TBC1D22A: variants seen among roughly 807,000 people sequenced by gnomAD.
The protein encoded by TBC1D22A is TBC1 domain family member 22A.
Under a neutral mutation model 60.2 loss-of-function variants are expected in TBC1D22A, and 38 were observed. That is an observed-to-expected ratio of 0.63 (90% confidence interval 0.49 to 0.83). The LOEUF is 0.83. TBC1D22A is among the 40% of genes least tolerant of loss of function. TBC1D22A has a pLI of 0.00. For synonymous variants in TBC1D22A, 302 were observed against 281.7 expected, an observed-to-expected ratio of 1.07 and a Z score of -0.72; for missense variants, 628 against 701.0, an observed-to-expected ratio of 0.90 and a Z score of 1.18.
chr22:46,927,275 G>C (rs5767416), intron 8 of TBC1D22A, among the ~76,000 whole-genome samples: 105,381 of 152,162 alleles, frequency 0.69, 36,742 homozygotes, highest in South Asian at 0.79. Context: ...GAATTTATTT[G>C]AGGAATGCTG....
chr22:46,889,068 C>G (rs758310090), intron 5 of TBC1D22A, among the ~76,000 whole-genome samples: 1 of 152,180 alleles, frequency 6.6e-6, no homozygotes, highest in Non-Finnish European at 1.5e-5. Flanking sequence ...AACTGGACTT[C>G]ATGAAACTTT....
At chr22:47,115,042 G>A (rs1326055069) in intron 12 of TBC1D22A, among the ~76,000 whole-genome samples, 4 of 151,712 alleles carry the variant, frequency 2.6e-5, no homozygotes, top group Admixed American at 2.0e-4. Flanking sequence ...GGGGCGGGGC[G>A]GGGCGGGGTG....
intron 10 of TBC1D22A, among the ~76,000 whole-genome samples, chr22:47,004,313 TCATA>T (rs2061508264): frequency 7.2e-6 from 1 of 139,818 alleles, no homozygotes; most frequent in Non-Finnish European, 1.5e-5. Flanking sequence ...ACACAACCCC[TCATA>T]CACACACCCC....
Position 46,885,004 on chromosome 22 carries a change from G to A in TBC1D22A, c.709-6262G>A, listed in dbSNP as rs540230064. Among the ~76,000 whole-genome samples, 8 of 152,318 alleles carry A rather than the reference G, an allele frequency of 5.3e-5. No homozygotes were observed. The South Asian group carries it at 1.7e-3, about 32-fold the overall frequency. ...GGCATGATTAGAAGCAATTGGAAGT[G>A]TTTTCGGGCTGGTGGTGTTAAAATG... On this transcript the variant is annotated intron_variant, in intron 5 of 12. Coordinates refer to ENST00000337137, the MANE Select transcript of TBC1D22A (RefSeq NM_014346.5).
intron 10 of TBC1D22A, among the ~76,000 whole-genome samples, chr22:46,999,300 A>AT (rs1448868740): frequency 3.3e-5 from 5 of 152,144 alleles, no homozygotes; most frequent in Admixed American, 2.6e-4. Context: ...AGTAAATCAT[A>AT]TTTTTATTTT....
At chr22:47,082,215 A>T (rs1262151472) in intron 11 of TBC1D22A, among the ~76,000 whole-genome samples, 2 of 152,186 alleles carry the variant, frequency 1.3e-5, no homozygotes, top group African/African-American at 4.8e-5. Context: ...GTGAAATCCT[A>T]ATCAGATTCC....
At chr22:47,134,745 C>T (rs1197580286) in intron 12 of TBC1D22A, among the ~76,000 whole-genome samples, 1 of 152,054 alleles carries the variant, frequency 6.6e-6, no homozygotes, top group Non-Finnish European at 1.5e-5. Flanking sequence ...AAGAATTCCT[C>T]GTGCTGTGTG....
intron 4 of TBC1D22A, among the ~76,000 whole-genome samples, chr22:46,847,298 T>C (rs997481348): frequency 6.6e-6 from 1 of 152,196 alleles, no homozygotes; most frequent in African/African-American, 2.4e-5. Flanking sequence ...TCAGGTGTCC[T>C]GGAGAGTTGT....
At chr22:46,768,767 C>T (rs1256695081) in intron 1 of TBC1D22A, among the ~76,000 whole-genome samples, 1 of 152,074 alleles carries the variant, frequency 6.6e-6, no homozygotes, top group East Asian at 1.9e-4. Context: ...GGTATGCAGG[C>T]AGCTGGGGTA....
At chr22:46,802,133 G>A (rs559849353) in intron 4 of TBC1D22A, among the ~76,000 whole-genome samples, 35 of 152,344 alleles carry the variant, frequency 2.3e-4, no homozygotes, top group African/African-American at 6.7e-4. Flanking sequence ...CAGGGTCCTC[G>A]TGAAGGTCAG....
chr22:46,921,321 T>C (rs956089554), intron 8 of TBC1D22A, among the ~76,000 whole-genome samples: 2 of 152,220 alleles, frequency 1.3e-5, no homozygotes, highest in African/African-American at 2.4e-5. Context: ...CTCCCACTTA[T>C]AAGTGAGAAC....
intron 4 of TBC1D22A, among the ~76,000 whole-genome samples, chr22:46,803,596 T>C (rs1436924543): frequency 6.6e-6 from 1 of 152,168 alleles, no homozygotes; most frequent in Non-Finnish European, 1.5e-5. Flanking sequence ...ACGTTGGCCT[T>C]GTGGGTGGGG....
At chr22:47,034,730 C>A (rs115918654) in intron 10 of TBC1D22A, among the ~76,000 whole-genome samples, 1 of 152,120 alleles carries the variant, frequency 6.6e-6, no homozygotes, top group Admixed American at 6.5e-5. Context: ...CTTTGGACGA[C>A]GGAGCTCGAA....
intron 8 of TBC1D22A, among the ~76,000 whole-genome samples, chr22:46,925,169 T>C (rs752696718): frequency 6.6e-6 from 1 of 152,256 alleles, no homozygotes; most frequent in Non-Finnish European, 1.5e-5. Context: ...TTGTGTTGTC[T>C]AAACCAAGGC....
chr22:47,105,585 C>G (rs750211955), intron 11 of TBC1D22A, among the ~76,000 whole-genome samples: 1 of 152,144 alleles, frequency 6.6e-6, no homozygotes, highest in African/African-American at 2.4e-5. Context: ...AAAGAAAGAA[C>G]CCTCCCCTTC....
At chr22:46,975,024 C>T (rs917368780) in intron 9 of TBC1D22A, among the ~76,000 whole-genome samples, 1 of 152,148 alleles carries the variant, frequency 6.6e-6, no homozygotes, top group African/African-American at 2.4e-5. Context: ...GGGGCAGATT[C>T]CCACACAGTA....
chr22:47,119,587 C>T (rs2066198434), intron 12 of TBC1D22A, among the ~76,000 whole-genome samples: 1 of 151,942 alleles, frequency 6.6e-6, no homozygotes, highest in Non-Finnish European at 1.5e-5. Context: ...GCCTCCACCT[C>T]CTGGGTTCAA....
intron 9 of TBC1D22A, among the ~76,000 whole-genome samples, chr22:46,986,545 T>G (rs1193408532): frequency 1.3e-5 from 2 of 152,232 alleles, no homozygotes; most frequent in Non-Finnish European, 2.9e-5. Flanking sequence ...ATTCTTTAAT[T>G]TATCCTCACA....
intron 12 of TBC1D22A, among the ~76,000 whole-genome samples, chr22:47,112,573 C>A (rs538605526): frequency 6.6e-6 from 1 of 152,182 alleles, no homozygotes; most frequent in Non-Finnish European, 1.5e-5. Flanking sequence ...CCTGCCGCCC[C>A]GCTTCATCTC....
Sources: allele counts gnomAD v4.1 joint callset (sites outside exome capture counted in the v4.1 genomes callset), GRCh38; gene constraint gnomAD v4.1.1; transcripts MANE v1.5; gene names NCBI Gene and HGNC (gene_info 2026-07-23, HGNC 2026-07-21).